Variants in C2CD3 observed in about 807,000 individuals in gnomAD.
C2CD3 encodes C2 domain containing 3 centriole elongation regulator.
In C2CD3, 148 loss-of-function variants were observed where a neutral mutation model predicts 234.0. That is an observed-to-expected ratio of 0.63 (90% CI 0.55 to 0.72). The LOEUF (loss-of-function observed/expected upper bound fraction) is 0.72, where lower values mean the gene tolerates loss of function less well. Ranked by LOEUF, C2CD3 falls within the 30% of genes least tolerant of loss-of-function variation. C2CD3 has a pLI of 0.00. For missense variants in C2CD3, 2,577 were observed against 2,811.5 expected (o/e 0.92, Z 1.89); for synonymous variants, 1,000 against 1,035.4 (o/e 0.97, Z 0.66).
intron 31 of C2CD3, among the ~76,000 whole-genome samples, chr11:74,030,333 T>A (rs1320999931): frequency 1.3e-5 from 2 of 152,208 alleles, no homozygotes; most frequent in Non-Finnish European, 2.9e-5. Flanking sequence ...TCTTATCTCC[T>A]CAGTTTATGT....
At chr11:74,046,007 G>T (rs1197349800) in intron 28 of C2CD3, among the ~76,000 whole-genome samples, 1 of 152,072 alleles carries the variant, frequency 6.6e-6, no homozygotes, top group African/African-American at 2.4e-5. Flanking sequence ...ACCCGTTTGG[G>T]TCATCACTAA....
intron 3 of C2CD3, among the ~76,000 whole-genome samples, chr11:74,157,337 G>A (rs903560469): frequency 6.6e-6 from 1 of 152,152 alleles, no homozygotes; most frequent in African/African-American, 2.4e-5. Context: ...ACGATATACA[G>A]TAATTCATGT....
At chr11:74,073,870 T>G (rs773221208) in intron 24 of C2CD3, among the ~76,000 whole-genome samples, 1 of 152,212 alleles carries the variant, frequency 6.6e-6, no homozygotes, top group Non-Finnish European at 1.5e-5. Flanking sequence ...TTTGAACTTT[T>G]CACGGATCCC....
intron 14 of C2CD3, among the ~76,000 whole-genome samples, chr11:74,102,126 T>C (rs537006108): frequency 1.3e-5 from 2 of 152,130 alleles, no homozygotes; most frequent in South Asian, 4.1e-4. Flanking sequence ...GTTAGTAGTA[T>C]CTATTAGACT....
intron 24 of C2CD3, among the ~76,000 whole-genome samples, chr11:74,068,783 C>T (rs1241103371): frequency 1.3e-5 from 2 of 152,124 alleles, no homozygotes; most frequent in Admixed American, 1.3e-4. Context: ...GCACTACCCC[C>T]ATCCCTCTGG....
intron 22 of C2CD3, 142 bp downstream of exon 22, chr11:74,084,739 G>A: frequency 4.0e-6 from 2 of 505,936 alleles, no homozygotes; most frequent in Middle Eastern, 2.8e-4. Context: ...AACATTTGAG[G>A]TATTGGAGAG....
intron 32 of C2CD3, among the ~76,000 whole-genome samples, chr11:74,023,072 T>C (rs915326873): frequency 1.3e-5 from 2 of 152,228 alleles, no homozygotes; most frequent in African/African-American, 4.8e-5. Flanking sequence ...CTGTATCCAC[T>C]CTACTGTGGG....
chr11:74,049,254 G>A lies in C2CD3; in HGVS notation c.5361+83C>T, dbSNP rs113546409. The A allele has an allele frequency of 7.1e-5, 82 of 1,153,754 alleles. No homozygotes were observed. The South Asian group carries it at 9.3e-4, about 13-fold the overall frequency. 71.5% of individuals were successfully genotyped at this position (1,153,754 alleles called of 1,614,324 possible). A position where few individuals can be genotyped will look rare whatever the true frequency, so the allele number is the denominator to read the frequency against. On this transcript the variant is annotated intron_variant, in intron 27 of 32. Transcript: ENST00000334126. ...TAGTATATAACGTATTCTATAAGCC[G>A]GAGAGTGCCAAACATGAGTAAAGGA...
At chr11:74,121,608 CAA>C (rs369249513) in intron 8 of C2CD3, among the ~76,000 whole-genome samples, 5 of 62,178 alleles carry the variant, frequency 8.0e-5, no homozygotes, top group African/African-American at 2.2e-4. Flanking sequence ...GACTCCGTCT[CAA>C]AAAAAAAAAA....
intron 3 of C2CD3, among the ~76,000 whole-genome samples, chr11:74,160,325 A>G (rs1022818810): frequency 6.6e-6 from 1 of 152,202 alleles, no homozygotes; most frequent in African/African-American, 2.4e-5. Flanking sequence ...AATAGCCAAG[A>G]TGTGGAATCA....
At chr11:74,169,140 A>G (rs2135579046) in intron 1 of C2CD3, among the ~76,000 whole-genome samples, 1 of 152,362 alleles carries the variant, frequency 6.6e-6, no homozygotes, top group East Asian at 1.9e-4. Context: ...ACAACTCAGC[A>G]TTTCAATGAA....
Position 74,118,360 on chromosome 11 carries a change from T to A in C2CD3, c.1388A>T (p.Asp463Val). The A allele has an allele frequency of 6.2e-7, 1 of 1,612,874 alleles. No homozygotes were observed. Among genetic ancestry groups the A allele is most frequent in the Non-Finnish European group, 8.5e-7 (1 of 1,178,958 alleles). The change falls in exon 9 of 33, where the codon GAT becomes GTT. Residue 463 changes from aspartate to valine, a missense_variant. Coordinates refer to ENST00000334126, the MANE Select transcript of C2CD3 (RefSeq NM_001286577.2). ...TAPKSDTSISDFLSEEDDIVP... is the reference protein window; with the variant it reads ...TAPKSDTSISVFLSEEDDIVP... Reference sequence around the variant, plus strand: ...GATATCATCCTCTTCACTGAGGAAATCACTGATGCTGGTATCAGATTTCTA... The same window carrying A: ...GATATCATCCTCTTCACTGAGGAAAACACTGATGCTGGTATCAGATTTCTA...
intron 3 of C2CD3, among the ~76,000 whole-genome samples, chr11:74,158,351 T>A (rs926164882): frequency 2.0e-5 from 3 of 152,202 alleles, no homozygotes; most frequent in East Asian, 1.9e-4. Flanking sequence ...AACATTTTTT[T>A]AATTAAATAA....
intron 24 of C2CD3, among the ~76,000 whole-genome samples, chr11:74,062,173 T>C (rs1181581222): frequency 1.3e-5 from 2 of 152,074 alleles, no homozygotes; most frequent in South Asian, 2.1e-4. Flanking sequence ...ACAATAATAA[T>C]AGGAGAGTTT....
intron 22 of C2CD3, among the ~76,000 whole-genome samples, chr11:74,080,716 G>C (rs1042203604): frequency 3.3e-5 from 5 of 152,170 alleles, no homozygotes; most frequent in Non-Finnish European, 5.9e-5. Flanking sequence ...TGATTTCCCA[G>C]ATGGTGCTTG....
intron 25 of C2CD3, among the ~76,000 whole-genome samples, chr11:74,055,375 T>C (rs983151973): frequency 7.2e-6 from 1 of 139,154 alleles, no homozygotes; most frequent in Non-Finnish European, 1.5e-5. Context: ...AATACATTTA[T>C]ATATTACATA....
chr11:74,040,280 A>AC (rs1195374656), intron 29 of C2CD3, among the ~76,000 whole-genome samples: 2 of 149,958 alleles, frequency 1.3e-5, no homozygotes, highest in Admixed American at 6.6e-5. Context: ...ACCACCCCCC[A>AC]CCCCCAACCC....
chr11:74,049,588 T>TA, intron 26 of C2CD3, 46 bp from the exon 27 acceptor site: 14 of 1,454,562 alleles, frequency 9.6e-6, no homozygotes, highest in Non-Finnish European at 1.2e-5. Context: ...AGGCATGTCC[T>TA]GCCACTGAGA....
intron 6 of C2CD3, 22 bp from the exon 7 acceptor site, chr11:74,132,994 T>C (rs1957729471): frequency 6.2e-7 from 1 of 1,611,406 alleles, no homozygotes; most frequent in Admixed American, 1.7e-5. Context: ...AAAAATACTT[T>C]CTCACTGAGT....
Sources: allele counts gnomAD v4.1 joint callset (sites outside exome capture counted in the v4.1 genomes callset), GRCh38; gene constraint gnomAD v4.1.1; transcripts MANE v1.5; gene names NCBI Gene and HGNC (gene_info 2026-07-23, HGNC 2026-07-21).